Variants in MCTP1 observed in about 807,000 individuals in gnomAD.
MCTP1 encodes the protein multiple C2 and transmembrane domain-containing protein 1.
In MCTP1, 69 loss-of-function variants were observed where a neutral mutation model predicts 120.6. That is an observed-to-expected ratio of 0.57 (90% CI 0.47 to 0.70). MCTP1 has a LOEUF of 0.70. Among genes scored for constraint, MCTP1 ranks in the 30% least tolerant of loss-of-function variants. MCTP1 has a pLI of 0.00. For synonymous variants in MCTP1, 529 were observed against 493.1 expected, an observed-to-expected ratio of 1.07 and a Z score of -0.96; for missense variants, 1,203 against 1,248.8, an observed-to-expected ratio of 0.96 and a Z score of 0.55.
At chr5:94,763,671 T>C (rs1301364307) in intron 19 of MCTP1, among the ~76,000 whole-genome samples, 1 of 152,216 alleles carries the variant, frequency 6.6e-6, no homozygotes, top group East Asian at 1.9e-4. Flanking sequence ...CATCTGTGTC[T>C]ACCCAGTGAC....
chr5:94,712,853 G>T (rs1757587680), intron 20 of MCTP1, among the ~76,000 whole-genome samples: 1 of 151,994 alleles, frequency 6.6e-6, no homozygotes, highest in Admixed American at 6.6e-5. Context: ...GACTCCACGT[G>T]TGAGGGCACT....
chr5:94,751,404 G>A (rs1337631085), intron 19 of MCTP1, among the ~76,000 whole-genome samples: 1 of 151,408 alleles, frequency 6.6e-6, no homozygotes, highest in East Asian at 1.9e-4. Context: ...GGCAAGGTGG[G>A]GTGGAGACAG....
chr5:95,027,912 C>T (rs968832415), intron 1 of MCTP1, among the ~76,000 whole-genome samples: 3 of 152,282 alleles, frequency 2.0e-5, no homozygotes, highest in Non-Finnish European at 4.4e-5. Flanking sequence ...TGTCAGAATA[C>T]AGTAATATAG....
At chr5:95,037,798 A>G (rs1841613105) in intron 1 of MCTP1, among the ~76,000 whole-genome samples, 1 of 152,142 alleles carries the variant, frequency 6.6e-6, no homozygotes, top group Non-Finnish European at 1.5e-5. Flanking sequence ...TGAACCCATG[A>G]GGCGGAGGTT....
intron 1 of MCTP1, among the ~76,000 whole-genome samples, chr5:95,122,306 G>T (rs1758303688): frequency 6.6e-6 from 1 of 152,048 alleles, no homozygotes; most frequent in Non-Finnish European, 1.5e-5. Context: ...TATAGGAAAA[G>T]AATCTTATGA....
chr5:95,016,224 C>T (rs1171108393), intron 2 of MCTP1, among the ~76,000 whole-genome samples: 1 of 151,876 alleles, frequency 6.6e-6, no homozygotes, highest in Non-Finnish European at 1.5e-5. Context: ...ACTGTGTTGC[C>T]AGGCTGGTCT....
intron 11 of MCTP1, 108 bp downstream of exon 11, chr5:94,894,541 T>C (rs1236474236): frequency 1.2e-6 from 1 of 802,628 alleles, no homozygotes. Flanking sequence ...CTTGTGCCAA[T>C]TCTTCCACCA....
intron 1 of MCTP1, among the ~76,000 whole-genome samples, chr5:95,121,728 C>T (rs1349879883): frequency 6.6e-6 from 1 of 151,772 alleles, no homozygotes; most frequent in Non-Finnish European, 1.5e-5. Context: ...CTGGAAGAAT[C>T]GTATTACCTG....
chr5:94,816,267 T>C (rs1784456813), intron 17 of MCTP1, among the ~76,000 whole-genome samples: 1 of 152,218 alleles, frequency 6.6e-6, no homozygotes, highest in South Asian at 2.1e-4. Flanking sequence ...ATCATGTGTA[T>C]ATTTATCTGT....
chr5:95,282,733 A>G (rs1243180222), intron 1 of MCTP1, among the ~76,000 whole-genome samples: 3 of 152,264 alleles, frequency 2.0e-5, no homozygotes, highest in East Asian at 3.8e-4. Flanking sequence ...ATTAAGGAAC[A>G]AAACATATTC....
chr5:94,718,113 A>G (rs1561521991), intron 19 of MCTP1, among the ~76,000 whole-genome samples: 1 of 152,202 alleles, frequency 6.6e-6, no homozygotes, highest in Admixed American at 6.5e-5. Flanking sequence ...ACTTCAAACT[A>G]TATTACAAGG....
At chr5:94,996,655 G>T (rs1461343800) in intron 2 of MCTP1, among the ~76,000 whole-genome samples, 2 of 152,064 alleles carry the variant, frequency 1.3e-5, no homozygotes, top group East Asian at 3.8e-4. Context: ...AAGAAAAATT[G>T]TACATGTTCA....
intron 1 of MCTP1, among the ~76,000 whole-genome samples, chr5:95,146,169 G>A (rs1488364815): frequency 2.0e-5 from 3 of 152,106 alleles, no homozygotes; most frequent in African/African-American, 7.2e-5. Flanking sequence ...TTCTAAATTT[G>A]TGTGCACAGA....
chr5:95,156,147 T>C (rs993412242), intron 1 of MCTP1, among the ~76,000 whole-genome samples: 1 of 152,190 alleles, frequency 6.6e-6, no homozygotes, highest in African/African-American at 2.4e-5. Flanking sequence ...AGAACTACAG[T>C]GTGGTGGACA....
chr5:95,022,145 CCGTACTT>C (rs1358697122), intron 1 of MCTP1, among the ~76,000 whole-genome samples: 3 of 152,036 alleles, frequency 2.0e-5, no homozygotes, highest in Non-Finnish European at 4.4e-5. Context: ...TTGAGTATAC[CCGTACTT>C]CTTAGGAAGG....
chr5:95,080,651 T>C lies in MCTP1; in HGVS notation c.721-63167A>G, dbSNP rs530862420. On this transcript the variant is annotated intron_variant, in intron 1 of 22. Transcript: ENST00000515393. ...TACCACTTTAAACACTGATTTGATG[T>C]TATTGCTTCAACCAATATGAAGCCA... Among the ~76,000 whole-genome samples the C allele has an allele frequency of 6.6e-5, 10 of 152,344 alleles. No individual in the cohort carries two copies. The South Asian group carries it at 2.1e-3, about 32-fold the overall frequency.
Position 95,273,705 on chromosome 5 carries a change from G to A in MCTP1, c.720+10151C>T, listed in dbSNP as rs192153618. 2.6e-3 allele frequency among the ~76,000 whole-genome samples: 403 copies of A among 152,250 alleles called. 2 individuals carry two copies. The highest frequency in any genetic ancestry group is 9.3e-3 in the African/African-American group (387 of 41,544). On this transcript the variant is annotated intron_variant, in intron 1 of 22. Coordinates refer to ENST00000515393, the MANE Select transcript of MCTP1 (RefSeq NM_024717.7). ...ATAGGAGCTATTAGAGTACATAGGTGACAATCTGACACTTAGGAGCCTGGC... is the reference window on the plus strand; with the variant it reads ...ATAGGAGCTATTAGAGTACATAGGTAACAATCTGACACTTAGGAGCCTGGC...
At chr5:95,245,533 C>T (rs893039026) in intron 1 of MCTP1, among the ~76,000 whole-genome samples, 1 of 151,306 alleles carries the variant, frequency 6.6e-6, no homozygotes, top group Admixed American at 6.6e-5. Flanking sequence ...GATGCATGCA[C>T]AAGTTTCAAT....
At chr5:95,084,417 C>T (rs1206622361) in intron 1 of MCTP1, among the ~76,000 whole-genome samples, 1 of 151,818 alleles carries the variant, frequency 6.6e-6, no homozygotes, top group African/African-American at 2.4e-5. Flanking sequence ...GTTTTTCAGT[C>T]TGGTTAAAGT....
Sources: gnomAD v4.1 joint callset for allele counts (sites outside exome capture counted in the v4.1 genomes callset) on GRCh38, gnomAD v4.1.1 for gene constraint, MANE v1.5 for transcripts, NCBI Gene and HGNC (gene_info 2026-07-23, HGNC 2026-07-21) for gene names.